Variants in FGD2 observed in about 807,000 individuals in gnomAD.
FGD2 encodes FYVE, RhoGEF and PH domain-containing protein 2.
In FGD2, 52 loss-of-function variants were observed where a neutral mutation model predicts 75.9. The observed-to-expected ratio is 0.69, with a 90% confidence interval of 0.55 to 0.86. The LOEUF is 0.86. Ranked by LOEUF, FGD2 falls within the 40% of genes least tolerant of loss-of-function variation. The pLI is 0.00. For missense variants in FGD2, 790 were observed against 872.0 expected, an observed-to-expected ratio of 0.91 and a Z score of 1.18; for synonymous variants, 347 against 348.6, an observed-to-expected ratio of 1.00 and a Z score of 0.05.
chr6:37,011,378 A>G, intron 3 of FGD2: 1 of 546,832 alleles, frequency 1.8e-6, no homozygotes, highest in Non-Finnish European at 3.3e-6. Flanking sequence ...ATAGTTTTTC[A>G]GGAGCCCTAA....
chr6:37,006,076 G>A (rs1764736063), intron 1 of FGD2, among the ~76,000 whole-genome samples, 191 bp downstream of exon 1: 1 of 152,212 alleles, frequency 6.6e-6, no homozygotes, highest in Non-Finnish European at 1.5e-5. Flanking sequence ...AGGGGTGAGA[G>A]TGCCAGTGTG....
chr6:37,011,779 T>A lies in FGD2; in HGVS notation c.452T>A (p.Phe151Tyr). 1 of 1,614,144 alleles carries A rather than the reference T, an allele frequency of 6.2e-7. No individual in the cohort carries two copies. Among genetic ancestry groups the A allele is most frequent in the Non-Finnish European group, 8.5e-7 (1 of 1,180,010 alleles). The change falls in exon 4 of 16, where the codon TTC (phenylalanine) becomes TAC (tyrosine). Residue 151 changes from phenylalanine to tyrosine, a missense_variant. By Grantham distance (22) the Phe-to-Tyr change is conservative. Coordinates refer to ENST00000274963, the MANE Select transcript of FGD2 (RefSeq NM_173558.4). The part of the protein sequence containing the change: ...AFPEDVVRVI[F>Y]SNISSIYQFH... ...CCAGAGGATGTGGTCAGGGTCATCT[T>A]CTCCAACATCTCCTCCATCTATCAG...
At chr6:37,011,499 C>T (rs953485139) in intron 3 of FGD2, 1 of 648,206 alleles carries the variant, frequency 1.5e-6, no homozygotes, top group African/African-American at 1.8e-5. Flanking sequence ...TGGCCAAGTC[C>T]CTGCATCTCT....
chr6:37,011,028 C>A lies in FGD2; in HGVS notation c.356C>A (p.Ala119Glu), dbSNP rs371671447. ...ELLETEQAYV[A>E]RLHLLDQVFF... ...CTGGAGACAGAGCAGGCCTATGTGGCGCGCCTCCACCTGCTAGACCAGGCC... is the reference window on the plus strand; with the variant it reads ...CTGGAGACAGAGCAGGCCTATGTGGAGCGCCTCCACCTGCTAGACCAGGCC... The change falls in exon 3 of 16, where the codon GCG (alanine) becomes GAG (glutamate). Residue 119 changes from alanine (A) to glutamate (E), a missense_variant. Ala to Glu is a moderately radical substitution (Grantham distance 107). Coordinates refer to ENST00000274963, the MANE Select transcript of FGD2 (RefSeq NM_173558.4). 3.7e-6 allele frequency: 6 copies of A among 1,614,148 alleles called. No individual in the cohort carries two copies. Among genetic ancestry groups the A allele is most frequent in the Middle Eastern group, 1.6e-4 (1 of 6,062 alleles).
chr6:37,013,813 A>G (rs374436730), intron 5 of FGD2, 48 bp downstream of exon 5: 6 of 1,607,712 alleles, frequency 3.7e-6, no homozygotes, highest in Non-Finnish European at 5.1e-6. Context: ...CCCAGCATGC[A>G]GTGGCTCAGG....
At chr6:37,007,697 C>T (rs139525786) in intron 1 of FGD2, among the ~76,000 whole-genome samples, 81 of 152,336 alleles carry the variant, frequency 5.3e-4, no homozygotes, top group Non-Finnish European at 9.8e-4. Context: ...AAAGAGGAAA[C>T]AGAAGCTGGC....
At position 37,022,238 on chromosome 6, in the gene FGD2, G is replaced by GCTGCAGT; in HGVS notation, c.1330_1336dup (p.Glu446AlafsTer3). 2 of 1,598,950 alleles carry GCTGCAGT rather than the reference G, an allele frequency of 1.3e-6. No homozygotes were observed. The highest frequency in any genetic ancestry group is 1.7e-6 in the Non-Finnish European group (2 of 1,172,368). On this transcript the variant is annotated frameshift_variant and splice_region_variant. Transcript: ENST00000274963. LOFTEE classifies it high-confidence loss of function. ...CCTGCCCAACTCCCCTTAACCCACAGCTGCAGTCTGAGGAGCTGGGCCTCC... is the reference window on the plus strand; with the variant it reads ...CCTGCCCAACTCCCCTTAACCCACAGCTGCAGTCTGCAGTCTGAGGAGCTGGGCCTCC...
At chr6:37,014,820 C>T in intron 7 of FGD2, 72 bp from the exon 8 acceptor site, 7 of 1,609,560 alleles carry the variant, frequency 4.3e-6, no homozygotes, top group Non-Finnish European at 5.1e-6. Flanking sequence ...GTCCCCGTCC[C>T]CACAAGGCAA....
intron 1 of FGD2, among the ~76,000 whole-genome samples, chr6:37,008,216 G>A (rs1764838302): frequency 6.6e-6 from 1 of 152,184 alleles, no homozygotes; most frequent in Non-Finnish European, 1.5e-5. Flanking sequence ...GGGCAACGTT[G>A]GGTGTATTCA....
intron 9 of FGD2, among the ~76,000 whole-genome samples, chr6:37,016,819 G>A (rs1245564545): frequency 6.6e-6 from 1 of 152,112 alleles, no homozygotes; most frequent in Non-Finnish European, 1.5e-5. Flanking sequence ...TTACAGGCAT[G>A]AGCCACCACA....
chr6:37,020,278 G>A (rs1051511187), intron 9 of FGD2, among the ~76,000 whole-genome samples: 3 of 152,078 alleles, frequency 2.0e-5, no homozygotes, highest in African/African-American at 7.3e-5. Context: ...GTCAAAAATT[G>A]TCATCTCCAC....
intron 6 of FGD2, 173 bp from the exon 7 acceptor site, chr6:37,014,473 C>A: frequency 5.5e-6 from 4 of 727,330 alleles, no homozygotes; most frequent in South Asian, 1.9e-5. Flanking sequence ...AGTCTCTCAG[C>A]CCTGGGGGGC....
chr6:37,027,206 C>T (rs985468093), intron 14 of FGD2, among the ~76,000 whole-genome samples: 2 of 152,176 alleles, frequency 1.3e-5, no homozygotes, highest in South Asian at 2.1e-4. Context: ...TGGGCACACA[C>T]GCGACAGGTT....
At chr6:37,020,126 A>G (rs1765501678) in intron 9 of FGD2, among the ~76,000 whole-genome samples, 1 of 152,234 alleles carries the variant, frequency 6.6e-6, no homozygotes, top group South Asian at 2.1e-4. Flanking sequence ...TGCTGGGATT[A>G]CAGGCGTGAG....
chr6:37,008,490 G>A (rs1006047982), intron 1 of FGD2, among the ~76,000 whole-genome samples: 1 of 152,072 alleles, frequency 6.6e-6, no homozygotes, highest in Non-Finnish European at 1.5e-5. Context: ...TGAAAACAGA[G>A]GTGAGGTCCA....
intron 5 of FGD2, 44 bp downstream of exon 5, chr6:37,013,809 A>C (rs773199799): frequency 1.9e-6 from 3 of 1,608,916 alleles, no homozygotes; most frequent in Non-Finnish European, 2.5e-6. Context: ...CACTCCCAGC[A>C]TGCAGTGGCT....
chr6:37,026,376 G>T, intron 14 of FGD2: 1 of 985,448 alleles, frequency 1.0e-6, no homozygotes, highest in East Asian at 1.1e-4. Context: ...CCAGGGGCCA[G>T]TCGGTCTTAT....
chr6:37,021,862 G>C (rs1765605875), intron 12 of FGD2: 2 of 495,498 alleles, frequency 4.0e-6, no homozygotes, highest in Admixed American at 7.0e-5. Context: ...CCAGCTGCAG[G>C]GGGCAGTAGG....
Position 37,027,477 on chromosome 6 carries a change from C to A in FGD2, c.1654C>A (p.Gln552Lys), listed in dbSNP as rs753432865. The change falls in exon 15 of 16, where the codon CAG becomes AAG. Residue 552 changes from glutamine to lysine, a missense_variant. Coordinates refer to ENST00000274963, the MANE Select transcript of FGD2 (RefSeq NM_173558.4). The part of the protein sequence containing the change: ...PDQSLMCSFL[Q>K]LIGDKWGKSG... The stretch of plus-strand genomic sequence containing the variant: ...CCAGAGCCTGATGTGCAGCTTCCTG[C>A]AGCTCATCGGGGACAAGTGGGGCAA... 18 of 1,613,982 alleles carry A rather than the reference C, an allele frequency of 1.1e-5. No individual in the cohort carries two copies. The highest frequency in any genetic ancestry group is 3.3e-4 in the Middle Eastern group (2 of 6,056).
Sources: allele counts gnomAD v4.1 joint callset (sites outside exome capture counted in the v4.1 genomes callset), GRCh38; gene constraint gnomAD v4.1.1; transcripts MANE v1.5; gene names NCBI Gene and HGNC (gene_info 2026-07-23, HGNC 2026-07-21).